Variants in HAUS1 observed in about 807,000 individuals in gnomAD.
HAUS1 encodes HAUS augmin like complex subunit 1.
HAUS1 carries 25 observed loss-of-function variants against 38.6 expected under a neutral mutation model. The ratio of observed to expected loss-of-function variants is 0.65; its 90% CI spans 0.47 to 0.91. HAUS1 has a LOEUF of 0.91. Ranked by LOEUF, HAUS1 falls within the 40% of genes least tolerant of loss-of-function variation. HAUS1 has a pLI of 0.00. For missense variants in HAUS1, 325 were observed against 328.4 expected (o/e 0.99, Z 0.08); for synonymous variants, 109 against 112.9 (o/e 0.97, Z 0.22).
intron 2 of HAUS1, among the ~76,000 whole-genome samples, chr18:46,113,808 G>A (rs1045033641): frequency 1.3e-5 from 2 of 152,038 alleles, no homozygotes; most frequent in African/African-American, 4.8e-5. Flanking sequence ...ACTTCCTCCT[G>A]TTATTGTTAT....
At chr18:46,111,163 C>T (rs565650316) in intron 2 of HAUS1, among the ~76,000 whole-genome samples, 3 of 152,050 alleles carry the variant, frequency 2.0e-5, no homozygotes, top group Admixed American at 6.6e-5. Context: ...CCAATGCACC[C>T]GGCCTCAAGA....
chr18:46,124,420 A>G (rs979956810), intron 6 of HAUS1, among the ~76,000 whole-genome samples: 2 of 144,578 alleles, frequency 1.4e-5, no homozygotes, highest in East Asian at 2.1e-4. Context: ...CTATCTCAAA[A>G]AAAAAAAAAA....
chr18:46,105,551 TGTGTGTG>T, intron 2 of HAUS1, 183 bp downstream of exon 2: 1 of 43,780 alleles, frequency 2.3e-5, no homozygotes. Flanking sequence ...TGTATATGTA[TGTGTGTG>T]TGTGTGTGTG....
chr18:46,122,500 A>G lies in HAUS1; in HGVS notation c.510A>G (p.Thr170=). 2 of 1,613,978 alleles carry G rather than the reference A, an allele frequency of 1.2e-6. No homozygotes were observed. The highest frequency in any genetic ancestry group is 8.5e-7 in the Non-Finnish European group (1 of 1,179,948). The part of the protein sequence containing the change: ...DVKKAELHLS[T]ERAKVDNRRQ... ...AGAAAGCAGAGTTGCATCTGTCTAC[A>G]GAAAGGGCCAAAGTTGATAATCGTC... Residue 170 remains threonine, a synonymous_variant, in exon 5 of 9, where the codon ACA becomes ACG. Coordinates refer to ENST00000282058, the MANE Select transcript of HAUS1 (RefSeq NM_138443.4).
chr18:46,104,471 C>G lies in HAUS1; in HGVS notation c.30+30C>G, dbSNP rs562674819. 5.5e-6 allele frequency: 8 copies of G among 1,460,518 alleles called. No homozygotes were observed. The South Asian group carries it at 1.1e-4, about 20-fold the overall frequency. The allele number at this position is 1,460,518 out of a possible 1,614,324, so 90.5% of individuals were successfully genotyped here. A position where few individuals can be genotyped will look rare whatever the true frequency, so the allele number is the denominator to read the frequency against. ...TGGGGCGGGAATGGGGATCGTTGGC[C>G]TCCTGGAAAACGCGTTTTTGACACC... On this transcript the variant is annotated intron_variant, in intron 1 of 8. Coordinates refer to ENST00000282058, the MANE Select transcript of HAUS1 (RefSeq NM_138443.4).
intron 4 of HAUS1, 146 bp from the exon 5 acceptor site, chr18:46,122,321 C>T: frequency 1.5e-6 from 1 of 663,302 alleles, no homozygotes; most frequent in Non-Finnish European, 2.5e-6. Context: ...AAAAAAAAAC[C>T]CAGAGTGCAA....
At chr18:46,104,642 C>T (rs1911403701) in intron 1 of HAUS1, among the ~76,000 whole-genome samples, 1 of 152,158 alleles carries the variant, frequency 6.6e-6, no homozygotes, top group South Asian at 2.1e-4. Flanking sequence ...CTGCCCGGGC[C>T]TCCCCTTGTT....
chr18:46,117,344 T>C (rs1433958940), intron 2 of HAUS1, among the ~76,000 whole-genome samples: 1 of 152,236 alleles, frequency 6.6e-6, no homozygotes, highest in African/African-American at 2.4e-5. Context: ...TGGAATATTA[T>C]TCAGCCATAA....
intron 2 of HAUS1, among the ~76,000 whole-genome samples, chr18:46,110,502 C>A (rs374837495): frequency 6.6e-6 from 1 of 151,816 alleles, no homozygotes. Flanking sequence ...AGCCACCACA[C>A]CTGGCTAATT....
intron 2 of HAUS1, among the ~76,000 whole-genome samples, chr18:46,110,868 T>C (rs1054580449): frequency 6.8e-6 from 1 of 146,400 alleles, no homozygotes; most frequent in Admixed American, 6.9e-5. Context: ...TTTTTTTCTC[T>C]TGCTGCTTTC....
At chr18:46,117,397 T>C (rs1911822349) in intron 2 of HAUS1, among the ~76,000 whole-genome samples, 1 of 152,208 alleles carries the variant, frequency 6.6e-6, no homozygotes, top group African/African-American at 2.4e-5. Flanking sequence ...TGGATGAACC[T>C]TGAAACTATT....
chr18:46,126,783 C>G (rs1912118841), intron 8 of HAUS1: 1 of 151,184 alleles, frequency 6.6e-6, no homozygotes, highest in African/African-American at 2.4e-5. Flanking sequence ...TACCACCATG[C>G]CTGGCTAATT....
intron 2 of HAUS1, among the ~76,000 whole-genome samples, chr18:46,106,488 A>G (rs1911486150): frequency 1.3e-5 from 2 of 151,898 alleles, no homozygotes. Flanking sequence ...AAAAGAAAAA[A>G]AGAAAAAGTG....
At chr18:46,110,036 A>G (rs1488561212) in intron 2 of HAUS1, among the ~76,000 whole-genome samples, 1 of 151,372 alleles carries the variant, frequency 6.6e-6, no homozygotes, top group Non-Finnish European at 1.5e-5. Context: ...ATGCATTCAG[A>G]TTACCATTTG....
intron 2 of HAUS1, among the ~76,000 whole-genome samples, chr18:46,113,431 A>G (rs1240765369): frequency 6.6e-6 from 1 of 152,094 alleles, no homozygotes; most frequent in Non-Finnish European, 1.5e-5. Context: ...TGCCGCTGCA[A>G]ATCTAGTGTT....
rs576816066 is a variant in HAUS1 at position 46,124,366 on chromosome 18, G to A, written c.667-456G>A. The stretch of plus-strand genomic sequence containing the variant: ...CAGGGGGCGGAGGTTGCAGTGGGCC[G>A]AGATCGTGCCACTGCACTCCAGCCT... On this transcript the variant is annotated intron_variant, in intron 6 of 8. Transcript: ENST00000282058. Among the ~76,000 whole-genome samples the A allele has an allele frequency of 3.8e-3, 542 of 142,912 alleles. 3 individuals carry two copies. Among genetic ancestry groups the A allele is most frequent in the African/African-American group, 0.013 (495 of 37,436 alleles). 93.8% of individuals were successfully genotyped at this position (142,912 alleles called of 152,430 possible). A position where few individuals can be genotyped will look rare whatever the true frequency, so the allele number is the denominator to read the frequency against.
intron 8 of HAUS1, 50 bp from the exon 9 acceptor site, chr18:46,128,021 AAGTT>A (rs1912157226): frequency 9.5e-7 from 1 of 1,049,246 alleles, no homozygotes; most frequent in Admixed American, 2.7e-5. Context: ...CATTAAATAA[AAGTT>A]AGAGCATCTG....
intron 1 of HAUS1, among the ~76,000 whole-genome samples, chr18:46,104,803 C>T (rs1298316055): frequency 6.6e-6 from 1 of 152,158 alleles, no homozygotes; most frequent in Non-Finnish European, 1.5e-5. Context: ...ACACTGGGAG[C>T]CTCCCGGCGC....
chr18:46,124,915 A>G, intron 7 of HAUS1, 22 bp downstream of exon 7: 1 of 1,346,284 alleles, frequency 7.4e-7, no homozygotes, highest in Non-Finnish European at 1.1e-6. Flanking sequence ...CGCGAATTAA[A>G]AAACAATTAT....
Sources: gnomAD v4.1 joint callset for allele counts (sites outside exome capture counted in the v4.1 genomes callset) on GRCh38, gnomAD v4.1.1 for gene constraint, MANE v1.5 for transcripts, NCBI Gene and HGNC (gene_info 2026-07-23, HGNC 2026-07-21) for gene names.